TAF4B: variants seen among roughly 807,000 people sequenced by gnomAD.
TAF4B encodes the protein TATA-box binding protein associated factor 4b.
TAF4B carries 38 observed loss-of-function variants against 86.4 expected under a neutral mutation model. The ratio of observed to expected loss-of-function variants is 0.44; its 90% confidence interval spans 0.34 to 0.58. The LOEUF (loss-of-function observed/expected upper bound fraction) is 0.58, where lower values mean the gene tolerates loss of function less well. Ranked by LOEUF, TAF4B falls within the 20% of genes least tolerant of loss-of-function variation. TAF4B has a pLI of 0.02. For missense variants in TAF4B, 988 were observed against 1,027.6 expected, an observed-to-expected ratio of 0.96 and a Z score of 0.53; for synonymous variants, 388 against 391.2, an observed-to-expected ratio of 0.99 and a Z score of 0.10.
chr18:26,383,816 G>A (rs192865862), intron 14 of TAF4B, among the ~76,000 whole-genome samples: 5 of 152,266 alleles, frequency 3.3e-5, no homozygotes, highest in African/African-American at 1.2e-4. Flanking sequence ...AACTAGAAAG[G>A]AATAAAATGA....
At chr18:26,252,424 T>C (rs1287834317) in intron 1 of TAF4B, among the ~76,000 whole-genome samples, 3 of 152,212 alleles carry the variant, frequency 2.0e-5, no homozygotes, top group Admixed American at 1.3e-4. Context: ...TAGGATTTTC[T>C]ATATATAGTA....
rs1289878903 is a variant in TAF4B at position 26,315,391 on chromosome 18, A to G, written c.1995A>G (p.Leu665=). The G allele has an allele frequency of 4.3e-6, 7 of 1,611,422 alleles. No homozygotes were observed. Among genetic ancestry groups the G allele is most frequent in the Admixed American group, 1.7e-5 (1 of 59,928 alleles). ...TTGGAGCTCTACAAAAGAGAATTTT[A>G]GACATTGGTAAGTGTAGAGTTATGA... ...LFIGALQKRI[L]DIGKKHDITE... is the part of the protein sequence containing the mutation. The change falls in exon 10 of 15, where the codon TTA becomes TTG. Residue 665 remains leucine, a synonymous_variant. Transcript: ENST00000269142.
At chr18:26,369,258 C>G (rs2057391254) in intron 14 of TAF4B, among the ~76,000 whole-genome samples, 1 of 152,082 alleles carries the variant, frequency 6.6e-6, no homozygotes, top group Non-Finnish European at 1.5e-5. Flanking sequence ...GAATATTTTG[C>G]AACCGTTACA....
At chr18:26,257,471 T>G (rs763948998) in intron 1 of TAF4B, among the ~76,000 whole-genome samples, 3 of 152,214 alleles carry the variant, frequency 2.0e-5, no homozygotes, top group Non-Finnish European at 4.4e-5. Flanking sequence ...TATAGTTGAA[T>G]TTTGTTTTTT....
intron 1 of TAF4B, among the ~76,000 whole-genome samples, chr18:26,257,181 GT>G (rs1437208134): frequency 6.6e-6 from 1 of 152,058 alleles, no homozygotes; most frequent in Non-Finnish European, 1.5e-5. Context: ...TGAAAGTGGG[GT>G]ATTGCAGTGT....
intron 9 of TAF4B, among the ~76,000 whole-genome samples, chr18:26,299,196 A>G (rs376651748): frequency 1.1e-4 from 17 of 152,022 alleles, no homozygotes; most frequent in East Asian, 7.7e-4. Flanking sequence ...AGTGCTCTAC[A>G]TGTTCAGAGA....
intron 14 of TAF4B, among the ~76,000 whole-genome samples, chr18:26,360,044 G>T (rs1284116478): frequency 6.6e-6 from 1 of 151,946 alleles, no homozygotes; most frequent in Non-Finnish European, 1.5e-5. Flanking sequence ...GCTTAATCTT[G>T]TTTCATTTAT....
At chr18:26,297,550 G>C (rs2056678880) in intron 9 of TAF4B, among the ~76,000 whole-genome samples, 1 of 152,184 alleles carries the variant, frequency 6.6e-6, no homozygotes, top group Non-Finnish European at 1.5e-5. Context: ...GGTATGACAT[G>C]AGTGACCCAA....
At chr18:26,315,122 C>CTA (rs1438748670) in intron 9 of TAF4B, 107 bp from the exon 10 acceptor site, 2 of 302,542 alleles carry the variant, frequency 6.6e-6, no homozygotes, top group Non-Finnish European at 1.0e-5. Flanking sequence ...CTCTCTCTCT[C>CTA]TCTCTCTCTC....
intron 14 of TAF4B, among the ~76,000 whole-genome samples, chr18:26,371,605 C>T (rs1304765538): frequency 1.3e-5 from 2 of 152,188 alleles, no homozygotes; most frequent in African/African-American, 4.8e-5. Context: ...ATAGTCTGAG[C>T]TGCAGAGATC....
chr18:26,238,267 C>T (rs1274960884), intron 1 of TAF4B, among the ~76,000 whole-genome samples: 1 of 152,144 alleles, frequency 6.6e-6, no homozygotes, highest in Non-Finnish European at 1.5e-5. Context: ...GCTGATGTGC[C>T]TCAAAATGGA....
intron 3 of TAF4B, among the ~76,000 whole-genome samples, chr18:26,268,215 A>G (rs760040567): frequency 3.9e-5 from 6 of 152,194 alleles, no homozygotes; most frequent in Admixed American, 3.3e-4. Flanking sequence ...GCTAGCTAGG[A>G]CAGTACATAT....
At chr18:26,344,368 T>A (rs1366690491) in intron 13 of TAF4B, among the ~76,000 whole-genome samples, 7 of 151,294 alleles carry the variant, frequency 4.6e-5, no homozygotes, top group Middle Eastern at 3.4e-3. Flanking sequence ...TTTTTTTTTT[T>A]TAAAAAAAAA....
At chr18:26,361,634 A>T (rs1686529378) in intron 14 of TAF4B, among the ~76,000 whole-genome samples, 1 of 151,288 alleles carries the variant, frequency 6.6e-6, no homozygotes, top group South Asian at 2.1e-4. Context: ...AATCCTAGCT[A>T]CGTGGGGGGT....
intron 13 of TAF4B, among the ~76,000 whole-genome samples, chr18:26,337,746 G>A (rs2057104606): frequency 1.3e-5 from 2 of 152,064 alleles, no homozygotes; most frequent in African/African-American, 4.8e-5. Flanking sequence ...TAGGGAGTTG[G>A]ATTGCTTGCT....
intron 9 of TAF4B, among the ~76,000 whole-genome samples, chr18:26,301,410 C>T (rs111352852): frequency 6.6e-6 from 1 of 151,950 alleles, no homozygotes; most frequent in Non-Finnish European, 1.5e-5. Context: ...CCTCAGCCTC[C>T]CAAGTAGCTG....
intron 13 of TAF4B, among the ~76,000 whole-genome samples, chr18:26,349,872 A>C (rs568289847): frequency 9.8e-5 from 15 of 152,332 alleles, no homozygotes; most frequent in African/African-American, 3.6e-4. Context: ...AACATAGACC[A>C]ACGGAACAGA....
At chr18:26,367,779 T>C (rs1258811956) in intron 14 of TAF4B, among the ~76,000 whole-genome samples, 2 of 152,236 alleles carry the variant, frequency 1.3e-5, no homozygotes, top group African/African-American at 2.4e-5. Flanking sequence ...GCATCCTGTT[T>C]TATCTTCATG....
chr18:26,269,743 A>C (rs1568117443), intron 3 of TAF4B, among the ~76,000 whole-genome samples: 1 of 152,220 alleles, frequency 6.6e-6, no homozygotes, highest in African/African-American at 2.4e-5. Context: ...TTGTGACTAT[A>C]CTATAAGGAA....
Sources: gnomAD v4.1 joint callset for allele counts (sites outside exome capture counted in the v4.1 genomes callset) on GRCh38, gnomAD v4.1.1 for gene constraint, MANE v1.5 for transcripts, NCBI Gene and HGNC (gene_info 2026-07-23, HGNC 2026-07-21) for gene names.